The following LINGO2 variants were observed in gnomAD, a reference collection of about 807,000 sequenced individuals.
The protein encoded by LINGO2 is leucine rich repeat and Ig domain containing 2.
Under a neutral mutation model 30.6 loss-of-function variants are expected in LINGO2, and 14 were observed. The ratio of observed to expected loss-of-function variants is 0.46; its 90% CI spans 0.30 to 0.72. LINGO2 has a LOEUF of 0.72. LINGO2 is among the 30% of genes least tolerant of loss of function. The pLI is 0.07. For missense variants in LINGO2, 729 were observed against 751.7 expected (o/e 0.97, Z 0.35); for synonymous variants, 317 against 288.5 (o/e 1.10, Z -1.00).
chr9:28,194,232 A>T (rs1348117591), intron 4 of LINGO2, among the ~76,000 whole-genome samples: 1 of 152,170 alleles, frequency 6.6e-6, no homozygotes, highest in Non-Finnish European at 1.5e-5. Flanking sequence ...TAACAAAACA[A>T]TAGAAACTGA....
intron 4 of LINGO2, among the ~76,000 whole-genome samples, chr9:28,177,043 A>C (rs1284296144): frequency 6.6e-6 from 1 of 152,222 alleles, no homozygotes; most frequent in Non-Finnish European, 1.5e-5. Flanking sequence ...ACCAAGTCTT[A>C]GGAATCCCTG....
At chr9:28,316,415 C>A (rs1309667343) in intron 3 of LINGO2, among the ~76,000 whole-genome samples, 1 of 151,968 alleles carries the variant, frequency 6.6e-6, no homozygotes, top group Non-Finnish European at 1.5e-5. Context: ...TGAGGGAACT[C>A]AAAATTATTA....
intron 3 of LINGO2, among the ~76,000 whole-genome samples, chr9:28,350,658 C>T (rs1476238467): frequency 1.3e-5 from 2 of 151,918 alleles, no homozygotes; most frequent in East Asian, 1.9e-4. Context: ...ACCTAATAGG[C>T]ATCTACAGAC....
At chr9:28,575,411 C>CA (rs1424570223) in intron 1 of LINGO2, among the ~76,000 whole-genome samples, 25 of 144,166 alleles carry the variant, frequency 1.7e-4, no homozygotes, top group South Asian at 4.4e-4. Flanking sequence ...AAAAAAACAA[C>CA]AAAAAAAACA....
At chr9:28,582,942 T>C (rs1391078906) in intron 1 of LINGO2, among the ~76,000 whole-genome samples, 1 of 152,062 alleles carries the variant, frequency 6.6e-6, no homozygotes, top group East Asian at 1.9e-4. Context: ...GTTAGTATTA[T>C]CTTTTTTTAA....
chr9:28,953,189 A>G, the LINGO2 span, among the ~76,000 whole-genome samples: 1 of 152,162 alleles, frequency 6.6e-6, no homozygotes, highest in Non-Finnish European at 1.5e-5. Context: ...TTGAACATTT[A>G]TCATTACTAC....
chr9:28,052,516 G>A (rs978142758), intron 4 of LINGO2, among the ~76,000 whole-genome samples: 1 of 151,994 alleles, frequency 6.6e-6, no homozygotes, highest in African/African-American at 2.4e-5. Context: ...ATTTGCTCAA[G>A]CACCATCTGC....
chr9:28,030,189 A>C (rs1414721855), intron 4 of LINGO2, among the ~76,000 whole-genome samples: 2 of 152,190 alleles, frequency 1.3e-5, no homozygotes, highest in African/African-American at 4.8e-5. Context: ...TATTAATAGA[A>C]TGTGAGAACT....
At chr9:28,404,926 G>GTGTGTGTGTGTGTGTGTT (rs1554717019) in intron 2 of LINGO2, among the ~76,000 whole-genome samples, 13 of 150,932 alleles carry the variant, frequency 8.6e-5, no homozygotes, top group African/African-American at 2.9e-4. Context: ...GTGTGTGTGT[G>GTGTGTGTGTGTGTGTGTT]TAAAATTCCA....
At chr9:28,156,214 C>T (rs1351833499) in intron 4 of LINGO2, among the ~76,000 whole-genome samples, 1 of 152,136 alleles carries the variant, frequency 6.6e-6, no homozygotes, top group Non-Finnish European at 1.5e-5. Context: ...ATAATAATAG[C>T]AGACATGCAT....
At chr9:29,199,586 C>T in the LINGO2 span, among the ~76,000 whole-genome samples, 5,046 of 152,166 alleles carry the variant, frequency 0.033, 263 homozygotes, top group African/African-American at 0.11. Context: ...ACAGGAAAGG[C>T]TGACCAACTC....
the LINGO2 span, among the ~76,000 whole-genome samples, chr9:28,759,098 T>C: frequency 2.0e-5 from 3 of 152,040 alleles, no homozygotes; most frequent in Non-Finnish European, 4.4e-5. Flanking sequence ...AGTGACCCAG[T>C]AATTGTTTTC....
At chr9:28,532,904 T>C (rs990573331) in intron 1 of LINGO2, among the ~76,000 whole-genome samples, 5 of 152,098 alleles carry the variant, frequency 3.3e-5, no homozygotes, top group African/African-American at 4.8e-5. Context: ...TTGCCTTCTG[T>C]CAGTCTTCAC....
intron 1 of LINGO2, among the ~76,000 whole-genome samples, chr9:28,594,705 C>A (rs919340882): frequency 6.6e-6 from 1 of 152,022 alleles, no homozygotes; most frequent in Non-Finnish European, 1.5e-5. Context: ...GAAGAGAGAT[C>A]GCAATATGAA....
intron 5 of LINGO2, among the ~76,000 whole-genome samples, chr9:28,000,673 A>G (rs1821903308): frequency 6.6e-6 from 1 of 152,224 alleles, no homozygotes; most frequent in African/African-American, 2.4e-5. Flanking sequence ...CTATAGAGCA[A>G]TAGTTCTGAC....
At chr9:28,192,437 G>A (rs763937394) in intron 4 of LINGO2, among the ~76,000 whole-genome samples, 25 of 151,986 alleles carry the variant, frequency 1.6e-4, no homozygotes, top group Non-Finnish European at 3.2e-4. Flanking sequence ...AATCACTGAT[G>A]CCGTGCCTAC....
chr9:28,698,385 A>G, the LINGO2 span, among the ~76,000 whole-genome samples: 1 of 152,082 alleles, frequency 6.6e-6, no homozygotes, highest in African/African-American at 2.4e-5. Flanking sequence ...AACTAGATAT[A>G]CCAAAAACTC....
chr9:28,812,503 A>G, the LINGO2 span, among the ~76,000 whole-genome samples: 1 of 152,176 alleles, frequency 6.6e-6, no homozygotes, highest in Non-Finnish European at 1.5e-5. Flanking sequence ...ATGTCTATGC[A>G]AATTCCTATG....
At chr9:29,182,318 G>C in the LINGO2 span, among the ~76,000 whole-genome samples, 2 of 152,160 alleles carry the variant, frequency 1.3e-5, no homozygotes, top group African/African-American at 4.8e-5. Flanking sequence ...ATAGGAACCT[G>C]TCCAGCAGGA....
Sources: gnomAD v4.1 joint callset for allele counts (sites outside exome capture counted in the v4.1 genomes callset) on GRCh38, gnomAD v4.1.1 for gene constraint, MANE v1.5 for transcripts, NCBI Gene and HGNC (gene_info 2026-07-23, HGNC 2026-07-21) for gene names.